CAAP1: variants seen among roughly 807,000 people sequenced by gnomAD.
CAAP1 encodes caspase activity and apoptosis inhibitor 1, also known as conserved anti-apoptotic protein.
Under a neutral mutation model 34.0 loss-of-function variants are expected in CAAP1, and 20 were observed. The observed-to-expected ratio is 0.59, with a 90% CI of 0.41 to 0.86. The LOEUF (loss-of-function observed/expected upper bound fraction) is 0.86. Ranked by LOEUF, CAAP1 falls within the 40% of genes least tolerant of loss-of-function variation. The pLI is 0.00. For synonymous variants in CAAP1, 213 were observed against 166.7 expected, an observed-to-expected ratio of 1.28 and a Z score of -2.14; for missense variants, 538 against 450.5, an observed-to-expected ratio of 1.19 and a Z score of -1.76.
chr9:26,873,939 G>T (rs983550352), intron 4 of CAAP1, among the ~76,000 whole-genome samples: 1 of 152,042 alleles, frequency 6.6e-6, no homozygotes, highest in Non-Finnish European at 1.5e-5. Context: ...CGGGTACGGT[G>T]GCTCACGCCT....
chr9:26,842,986 C>T (rs765361770), intron 5 of CAAP1, among the ~76,000 whole-genome samples: 51 of 152,218 alleles, frequency 3.4e-4, no homozygotes, highest in Non-Finnish European at 6.8e-4. Context: ...AAAATGAAAG[C>T]TGACATTGGA....
intron 4 of CAAP1, among the ~76,000 whole-genome samples, chr9:26,882,332 T>C (rs999290382): frequency 6.6e-6 from 1 of 152,194 alleles, no homozygotes; most frequent in African/African-American, 2.4e-5. Flanking sequence ...AATGGTTTCA[T>C]GGGCCAGGCT....
At chr9:26,877,886 T>TATTATTATTATTATTATTATTTA (rs1308467160) in intron 4 of CAAP1, among the ~76,000 whole-genome samples, 1 of 150,368 alleles carries the variant, frequency 6.7e-6, no homozygotes, top group African/African-American at 2.4e-5. Flanking sequence ...AAATTTCCTA[T>TATTATTATTATTATTATTATTTA]ATTATTAAAT....
At chr9:26,883,609 T>C (rs573108607) in intron 4 of CAAP1, among the ~76,000 whole-genome samples, 48 of 151,858 alleles carry the variant, frequency 3.2e-4, no homozygotes, top group Admixed American at 1.4e-3. Flanking sequence ...TGGAAAAAAA[T>C]AATAGATTTT....
At chr9:26,851,107 G>C (rs753087632) in intron 5 of CAAP1, among the ~76,000 whole-genome samples, 2 of 152,168 alleles carry the variant, frequency 1.3e-5, no homozygotes, top group Non-Finnish European at 2.9e-5. Flanking sequence ...TTAGAAGTAG[G>C]TGACAAAATA....
intron 5 of CAAP1, among the ~76,000 whole-genome samples, chr9:26,843,777 T>C (rs1434254199): frequency 1.3e-5 from 2 of 152,168 alleles, no homozygotes; most frequent in Admixed American, 1.3e-4. Context: ...GGTTTTATAA[T>C]CAATGATGAT....
chr9:26,844,925 C>T (rs190860462), intron 5 of CAAP1, among the ~76,000 whole-genome samples: 21 of 152,270 alleles, frequency 1.4e-4, no homozygotes, highest in Non-Finnish European at 1.8e-4. Flanking sequence ...TTCAGGGTGA[C>T]GGCCTTCTTC....
At chr9:26,875,482 A>T (rs1057180766) in intron 4 of CAAP1, among the ~76,000 whole-genome samples, 2 of 152,078 alleles carry the variant, frequency 1.3e-5, no homozygotes, top group East Asian at 3.8e-4. Flanking sequence ...AAAACATCAA[A>T]TTTTTTCATG....
rs183651422 is a variant in CAAP1, at chr9:26,887,537, C to T, written c.304-24G>A. The T allele has an allele frequency of 1.2e-4, 162 of 1,401,058 alleles. 2 individuals are homozygous for T. The African/African-American group carries it at 2.0e-3, about 17-fold the overall frequency. 86.8% of individuals were successfully genotyped at this position (1,401,058 alleles called of 1,614,324 possible). ...TCCTAAAGTTAAAAGAATAAAGAAC[C>T]ATTAAACAATACTACTTAAAATATA... On this transcript the variant is annotated intron_variant, in intron 1 of 5. Coordinates refer to ENST00000333916, the MANE Select transcript of CAAP1 (RefSeq NM_024828.4).
intron 4 of CAAP1, among the ~76,000 whole-genome samples, chr9:26,864,222 A>G (rs545219944): frequency 3.7e-4 from 57 of 152,260 alleles, no homozygotes; most frequent in African/African-American, 1.3e-3. Context: ...TTTTACCTCC[A>G]CAAGCTATCC....
intron 4 of CAAP1, among the ~76,000 whole-genome samples, chr9:26,884,248 G>A (rs1823671152): frequency 6.6e-6 from 1 of 152,100 alleles, no homozygotes; most frequent in Admixed American, 6.5e-5. Flanking sequence ...CACTAATGAA[G>A]AAAAAACTAA....
At chr9:26,891,411 G>A (rs573027347) in intron 1 of CAAP1, among the ~76,000 whole-genome samples, 8 of 152,060 alleles carry the variant, frequency 5.3e-5, no homozygotes, top group Non-Finnish European at 1.0e-4. Flanking sequence ...TATACTGTTT[G>A]GACTATAAAT....
chr9:26,844,816 T>G (rs1007790838), intron 5 of CAAP1, among the ~76,000 whole-genome samples: 1 of 152,250 alleles, frequency 6.6e-6, no homozygotes, highest in Non-Finnish European at 1.5e-5. Flanking sequence ...GTCTGTAATC[T>G]AGTTTTTTTC....
chr9:26,868,445 C>T (rs1349966870), intron 4 of CAAP1, among the ~76,000 whole-genome samples: 1 of 152,136 alleles, frequency 6.6e-6, no homozygotes, highest in Non-Finnish European at 1.5e-5. Context: ...CTGAAAAGGG[C>T]AAGAAAATGA....
At chr9:26,864,085 A>G (rs1351595362) in intron 4 of CAAP1, among the ~76,000 whole-genome samples, 1 of 151,922 alleles carries the variant, frequency 6.6e-6, no homozygotes, top group Admixed American at 6.6e-5. Context: ...TTTCTAACTC[A>G]CTTCTCCTAT....
intron 5 of CAAP1, among the ~76,000 whole-genome samples, chr9:26,855,977 T>C (rs1019927155): frequency 1.3e-5 from 2 of 152,126 alleles, no homozygotes; most frequent in Admixed American, 1.3e-4. Flanking sequence ...AAATAAACAT[T>C]TCTCTCAAAA....
At chr9:26,871,709 A>G (rs1300671558) in intron 4 of CAAP1, among the ~76,000 whole-genome samples, 1 of 151,952 alleles carries the variant, frequency 6.6e-6, no homozygotes, top group East Asian at 1.9e-4. Context: ...GGGTCACCTG[A>G]GGTCAGGAGT....
chr9:26,874,033 CCATCT>C (rs1823353819), intron 4 of CAAP1, among the ~76,000 whole-genome samples: 1 of 151,622 alleles, frequency 6.6e-6, no homozygotes, highest in Non-Finnish European at 1.5e-5. Context: ...TGGTGAAACC[CCATCT>C]CTACTAAAAA....
chr9:26,858,226 AGAGATATTAGATTTT>A (rs150222400), intron 5 of CAAP1, among the ~76,000 whole-genome samples: 10,352 of 152,274 alleles, frequency 0.068, 387 homozygotes, highest in Middle Eastern at 0.15. Flanking sequence ...AAGAAAAGTT[AGAGATATTAGATTTT>A]GCAGGTTATG....
Sources: gnomAD v4.1 joint callset for allele counts (sites outside exome capture counted in the v4.1 genomes callset) on GRCh38, gnomAD v4.1.1 for gene constraint, MANE v1.5 for transcripts, NCBI Gene and HGNC (gene_info 2026-07-23, HGNC 2026-07-21) for gene names.